HARS1: variants seen among roughly 807,000 people sequenced by gnomAD.
HARS1 encodes histidyl-tRNA synthetase 1, also known as histidine--tRNA ligase, cytoplasmic.
A neutral mutation model predicts 63.6 loss-of-function variants in HARS1; 45 were observed. The observed-to-expected ratio is 0.71, with a 90% CI of 0.56 to 0.91. HARS1 has a LOEUF of 0.91. HARS1 is among the 40% of genes least tolerant of loss of function. HARS1 has a pLI of 0.00. For synonymous variants in HARS1, 205 were observed against 247.1 expected, an observed-to-expected ratio of 0.83 and a Z score of 1.60; for missense variants, 508 against 643.2, an observed-to-expected ratio of 0.79 and a Z score of 2.27.
At chr5:140,675,364 G>T in intron 10 of HARS1, 1 of 412,242 alleles carries the variant, frequency 2.4e-6, no homozygotes, top group South Asian at 3.9e-5. Flanking sequence ...CAAGAGTAAA[G>T]GTAGCTTTTT....
Position 140,679,728 on chromosome 5 carries a change from C to A in HARS1, c.396+60G>T. On this transcript the variant is annotated intron_variant, in intron 4 of 12. Coordinates refer to ENST00000504156, the MANE Select transcript of HARS1 (RefSeq NM_002109.6). This position sits in a 1 kb window ranked among gnomAD's most constrained non-coding sequence, Gnocchi z 4.3. The stretch of plus-strand genomic sequence containing the variant: ...TCCTACCTACTCTACCATTCTTAAA[C>A]CTGAGCCAAGTGAGTGCCAATCCAT... 5.9e-6 allele frequency: 5 copies of A among 842,834 alleles called. No individual in the cohort carries two copies. The highest frequency in any genetic ancestry group is 1.0e-5 in the Non-Finnish European group (5 of 501,028). The allele number at this position is 842,834 out of a possible 1,614,324, so 52.2% of individuals were successfully genotyped here. A position where few individuals can be genotyped will look rare whatever the true frequency, so the allele number is the denominator to read the frequency against.
At chr5:140,689,399 T>C (rs572588999) in intron 2 of HARS1, among the ~76,000 whole-genome samples, 34 of 152,274 alleles carry the variant, frequency 2.2e-4, no homozygotes, top group African/African-American at 7.5e-4. Context: ...GTAAAGGCTA[T>C]GTAAATAGTT....
intron 7 of HARS1, 80 bp downstream of exon 7, chr5:140,677,573 CCT>C (rs1361293269): frequency 4.8e-4 from 527 of 1,099,498 alleles, no homozygotes; most frequent in Non-Finnish European, 6.6e-4. Flanking sequence ...GAGGCATGCA[CCT>C]CTCTCTCTCT....
Position 140,685,773 on chromosome 5 carries a change from T to C in HARS1, c.181-2554A>G, listed in dbSNP as rs561873445. Among the ~76,000 whole-genome samples the C allele has an allele frequency of 1.4e-4, 22 of 152,048 alleles. 1 individual carries two copies. The South Asian group carries it at 4.4e-3, about 30-fold the overall frequency. On this transcript the variant is annotated intron_variant, in intron 2 of 12. Transcript: ENST00000504156. The stretch of plus-strand genomic sequence containing the variant: ...AAATTTTATGTTACGTATATTTTCC[T>C]ACAAAAAAAAATCCACTACTGTATT...
In HARS1 at chr5:140,676,715, G is replaced by A. The variant is rs377410852; in HGVS notation, c.1133C>T (p.Pro378Leu). ...GMFDPKGRKV[P>L]CVGLSIGVER... ...CACCCCAATGCTGAGCCCCACACATGGCACCTTGCGCCCTTTGGGGTCGAA... is the reference window on the plus strand; with the variant it reads ...CACCCCAATGCTGAGCCCCACACATAGCACCTTGCGCCCTTTGGGGTCGAA... Residue 378 changes from proline to leucine, a missense_variant, in exon 10 of 13, where the codon CCA becomes CTA. Coordinates refer to ENST00000504156, the MANE Select transcript of HARS1 (RefSeq NM_002109.6). This position sits in a 1 kb window ranked among gnomAD's most constrained non-coding sequence, Gnocchi z 4.1. 1.7e-5 allele frequency: 27 copies of A among 1,614,052 alleles called. No homozygotes were observed. Among genetic ancestry groups the A allele is most frequent in the African/African-American group, 2.7e-5 (2 of 74,914 alleles).
chr5:140,677,782 G>T, intron 6 of HARS1, 29 bp from the exon 7 acceptor site: 1 of 1,496,136 alleles, frequency 6.7e-7, no homozygotes, highest in Non-Finnish European at 9.3e-7. Context: ...TAGTGAGGGG[G>T]GAATCTCTTT....
At chr5:140,678,887 A>G in intron 5 of HARS1, 115 bp downstream of exon 5, 1 of 1,081,708 alleles carries the variant, frequency 9.2e-7, no homozygotes, top group African/African-American at 1.6e-5. Flanking sequence ...AGAAACCCTA[A>G]GAGCATTATC....
chr5:140,677,892 C>A lies in HARS1; in HGVS notation c.630+16G>T. 6.4e-7 allele frequency: 1 copy of A among 1,568,850 alleles called. No individual in the cohort carries two copies. The highest frequency in any genetic ancestry group is 8.8e-7 in the Non-Finnish European group (1 of 1,138,998). On this transcript the variant is annotated intron_variant, in intron 6 of 12. Transcript: ENST00000504156. ...GCCAGGCCCAACTTTGCCCTCCCAG[C>A]CTTGTCAGCTCTGACCTTGACCAGG...
chr5:140,690,939 C>G lies in HARS1; in HGVS notation c.96G>C (p.Glu32Asp). 1 of 1,591,744 alleles carries G rather than the reference C, an allele frequency of 6.3e-7. No homozygotes were observed. Among genetic ancestry groups the G allele is most frequent in the Non-Finnish European group, 8.6e-7 (1 of 1,159,650 alleles). Residue 32 changes from glutamate to aspartate, a missense_variant, in exon 2 of 13, where the codon GAG becomes GAC. Around this residue, in one of 2 missense-constraint regions of HARS1, gnomAD observed 105 missense variants for 94.5 expected, o/e 1.11. Transcript: ENST00000504156. ...GTTTCAGGAGTTTCGCCACCTCCTC[C>G]TCGATCTGTGGAGGGAAAGAAGGCG... ...KQQKASAELI[E>D]EEVAKLLKLK... is the part of the protein sequence containing the mutation.
Position 140,690,846 on chromosome 5 carries a change from T to C in HARS1, c.180+9A>G. The C allele has an allele frequency of 6.7e-7, 1 of 1,483,284 alleles. No homozygotes were observed. Among genetic ancestry groups the C allele is most frequent in the Non-Finnish European group, 9.4e-7 (1 of 1,060,398 alleles). The allele number at this position is 1,483,284 out of a possible 1,614,324, so 91.9% of individuals were successfully genotyped here. A position where few individuals can be genotyped will look rare whatever the true frequency, so the allele number is the denominator to read the frequency against. On this transcript the variant is annotated intron_variant, in intron 2 of 12. Transcript: ENST00000504156. ...CTTTCTCAGTGGCTCCCTACAGGAA[T>C]GATATTACCTTGGGGGTTTTGAGCA...
intron 2 of HARS1, among the ~76,000 whole-genome samples, chr5:140,689,330 T>G (rs1359461931): frequency 6.6e-6 from 1 of 152,244 alleles, no homozygotes; most frequent in African/African-American, 2.4e-5. Context: ...TAAAATTATA[T>G]GCACATCCTC....
chr5:140,683,446 CT>C, intron 2 of HARS1: 1 of 1,080,132 alleles, frequency 9.3e-7, no homozygotes, highest in Non-Finnish European at 1.2e-6. Context: ...AAGTTTGGGT[CT>C]ATTTTCTAAA....
chr5:140,683,569 C>T (rs781448873), intron 2 of HARS1: 22 of 951,728 alleles, frequency 2.3e-5, no homozygotes, highest in Non-Finnish European at 2.7e-5. Flanking sequence ...CAGTGGCTCA[C>T]GCCTGTAATC....
intron 2 of HARS1, among the ~76,000 whole-genome samples, chr5:140,688,424 G>A (rs750552236): frequency 9.2e-5 from 14 of 151,954 alleles, no homozygotes; most frequent in African/African-American, 3.4e-4. Context: ...AATCCCAGAC[G>A]TCATATCATT....
chr5:140,682,371 A>G (rs1441737087), intron 3 of HARS1, among the ~76,000 whole-genome samples: 1 of 152,196 alleles, frequency 6.6e-6, no homozygotes, highest in African/African-American at 2.4e-5. Context: ...CTATGTTCCA[A>G]GAGTAGGAAG....
Position 140,680,153 on chromosome 5 carries a change from GT to G in HARS1, c.301-271del, listed in dbSNP as rs1420630822. 2.9e-3 allele frequency among the ~76,000 whole-genome samples: 414 copies of G among 142,152 alleles called. 2 individuals carry two copies. The highest frequency in any genetic ancestry group is 9.4e-3 in the African/African-American group (368 of 38,946). 93.3% of individuals were successfully genotyped at this position (142,152 alleles called of 152,430 possible). A position where few individuals can be genotyped will look rare whatever the true frequency, so the allele number is the denominator to read the frequency against. On this transcript the variant is annotated intron_variant, in intron 3 of 12. Coordinates refer to ENST00000504156, the MANE Select transcript of HARS1 (RefSeq NM_002109.6). ...CTTCAGACTTCTCAGCATGAAGTTT[GT>G]TTTTTTTTTTTGAAATGGAGTCTCG... is the stretch of plus-strand genomic sequence containing the variant.
chr5:140,691,079 G>C (rs1395266844), intron 1 of HARS1, 135 bp from the exon 2 acceptor site: 10 of 894,952 alleles, frequency 1.1e-5, no homozygotes, highest in African/African-American at 1.6e-5. Flanking sequence ...CACCCCGGAT[G>C]TCTCCCCACG....
chr5:140,676,831 C>T lies in HARS1; in HGVS notation c.1017G>A (p.Val339=), dbSNP rs1421658636. The change falls in exon 10 of 13, where the codon GTG becomes GTA. Residue 339 remains valine (V), a synonymous_variant. Coordinates refer to ENST00000504156, the MANE Select transcript of HARS1 (RefSeq NM_002109.6). The surrounding 1 kb of genome is among the most constrained non-coding windows in gnomAD (Gnocchi z 4.1). ...CTGCCTGGGCTGGGGTCTGTAGCAG[C>T]ACTGCCTCATAGATCACCCCAGTGT... ...DYYTGVIYEA[V]LLQTPAQAGE... is the part of the protein sequence containing the mutation. 6.2e-7 allele frequency: 1 copy of T among 1,614,162 alleles called. No individual in the cohort carries two copies. The highest frequency in any genetic ancestry group is 1.3e-5 in the African/African-American group (1 of 74,960).
At chr5:140,690,040 A>T (rs916470319) in intron 2 of HARS1, among the ~76,000 whole-genome samples, 1 of 152,198 alleles carries the variant, frequency 6.6e-6, no homozygotes, top group Non-Finnish European at 1.5e-5. Flanking sequence ...CTCATTCATT[A>T]GATCAGTTAG....
Sources: allele counts gnomAD v4.1 joint callset (sites outside exome capture counted in the v4.1 genomes callset), GRCh38; gene constraint gnomAD v4.1.1; regional missense constraint gnomAD v4.1.1; non-coding constraint Gnocchi (gnomAD v3.1); transcripts MANE v1.5; gene names NCBI Gene and HGNC (gene_info 2026-07-23, HGNC 2026-07-21).